WDR17: variants seen among roughly 807,000 people sequenced by gnomAD.
WDR17 encodes WD repeat domain 17, also known as WD repeat-containing protein 17.
Under a neutral mutation model 161.7 loss-of-function variants are expected in WDR17, and 143 were observed. That is an observed-to-expected ratio of 0.88 (90% CI 0.77 to 1.02). WDR17 has a LOEUF of 1.02. Among genes scored for constraint, WDR17 ranks in the 50% least tolerant of loss-of-function variants. The probability of loss-of-function intolerance (pLI) is 0.00; values close to 1 mark genes in which losing one functional copy is unlikely to be tolerated. For synonymous variants in WDR17, 517 were observed against 515.6 expected (o/e 1.00, Z -0.04); for missense variants, 1,469 against 1,520.9 (o/e 0.97, Z 0.57).
chr4:176,159,092 T>C (rs1005900484), intron 18 of WDR17, among the ~76,000 whole-genome samples: 9 of 152,124 alleles, frequency 5.9e-5, no homozygotes, highest in African/African-American at 2.2e-4. Context: ...GCATGAAAAA[T>C]ATCTGCTACC....
intron 3 of WDR17, among the ~76,000 whole-genome samples, chr4:176,118,762 A>G (rs890292629): frequency 6.6e-6 from 1 of 151,938 alleles, no homozygotes; most frequent in African/African-American, 2.4e-5. Flanking sequence ...AGCTTGTTAA[A>G]AATAAATTCC....
intron 20 of WDR17, among the ~76,000 whole-genome samples, chr4:176,161,508 T>C (rs1432734536): frequency 1.3e-5 from 2 of 152,192 alleles, no homozygotes; most frequent in Non-Finnish European, 2.9e-5. Context: ...AACCTTTTTT[T>C]AATCCAGTAG....
rs1040679078 is a variant in WDR17 at position 176,151,733 on chromosome 4, A to G, written c.2305-79A>G. The stretch of plus-strand genomic sequence containing the variant: ...ATTCCGCTCTATTAGTTATTTCAAA[A>G]TATGCAACAAATTATTGTGACACAT... On this transcript the variant is annotated intron_variant, in intron 16 of 28. Coordinates refer to ENST00000508596, the MANE Select transcript of WDR17 (RefSeq NM_181265.4). 5 of 1,284,550 alleles carry G rather than the reference A, an allele frequency of 3.9e-6. No homozygotes were observed. The African/African-American group carries it at 7.6e-5, about 19-fold the overall frequency. 79.6% of individuals were successfully genotyped at this position (1,284,550 alleles called of 1,614,324 possible). A position where few individuals can be genotyped will look rare whatever the true frequency, so the allele number is the denominator to read the frequency against.
At position 176,166,012 on chromosome 4, in the gene WDR17, TG is replaced by T. The variant is rs897821622; in HGVS notation, c.2991-2659del. On this transcript the variant is annotated intron_variant, in intron 22 of 28. Transcript: ENST00000508596. ...GATAGCTACATCATTTATAAAGATG[TG>T]CATAATTTTTAAGCTATAAACAGCG... The T allele has an allele frequency of 7.8e-5, 40 of 515,322 alleles. No homozygotes were observed. The African/African-American group carries it at 8.2e-4, about 11-fold the overall frequency. The allele number at this position is 515,322 out of a possible 1,614,324, so 31.9% of individuals were successfully genotyped here. A position where few individuals can be genotyped will look rare whatever the true frequency, so the allele number is the denominator to read the frequency against.
intron 1 of WDR17, among the ~76,000 whole-genome samples, chr4:176,076,957 C>T (rs1427410819): frequency 1.3e-5 from 2 of 152,080 alleles, no homozygotes; most frequent in Non-Finnish European, 2.9e-5. Flanking sequence ...ATCTAATAGG[C>T]ATTGTCTAGC....
intron 13 of WDR17, 57 bp downstream of exon 13, chr4:176,148,392 A>T (rs1746539878): frequency 2.0e-6 from 3 of 1,474,022 alleles, no homozygotes; most frequent in Admixed American, 1.8e-5. Flanking sequence ...AATGATGCTT[A>T]TAACTTCTGA....
intron 9 of WDR17, 40 bp downstream of exon 9, chr4:176,137,651 A>T (rs771384428): frequency 1.6e-6 from 2 of 1,230,808 alleles, no homozygotes; most frequent in Non-Finnish European, 2.2e-6. Context: ...ATAATGTTTT[A>T]TACTATTTTG....
Position 176,069,868 on chromosome 4 carries a change from A to G in WDR17, c.-7+3789A>G, listed in dbSNP as rs182249564. On this transcript the variant is annotated intron_variant, in intron 1 of 28. Coordinates refer to ENST00000508596, the MANE Select transcript of WDR17 (RefSeq NM_181265.4). ...TCCACATGGAGTCTCAAAAAAATGA[A>G]TAGTTGGTTAATAAGAAATAGCTAA... Among the ~76,000 whole-genome samples, 459 of 152,336 alleles carry G rather than the reference A, an allele frequency of 3.0e-3. 4 individuals carry two copies. Among genetic ancestry groups the G allele is most frequent in the African/African-American group, 0.011 (442 of 41,588 alleles).
chr4:176,125,033 A>C, intron 4 of WDR17, 71 bp from the exon 5 acceptor site: 2 of 1,538,100 alleles, frequency 1.3e-6, no homozygotes, highest in Admixed American at 3.6e-5. Context: ...ACAAGGAAAA[A>C]GTTAGCATCA....
chr4:176,068,648 A>AT (rs1419631257), intron 1 of WDR17, among the ~76,000 whole-genome samples: 9 of 152,194 alleles, frequency 5.9e-5, no homozygotes, highest in Non-Finnish European at 8.8e-5. Flanking sequence ...ATTGGAAGGG[A>AT]TTTTTTATTA....
intron 3 of WDR17, among the ~76,000 whole-genome samples, chr4:176,117,570 A>G (rs1423896361): frequency 1.3e-5 from 2 of 152,106 alleles, no homozygotes; most frequent in Non-Finnish European, 2.9e-5. Context: ...TGGATTTATC[A>G]TCAGACACTA....
intron 1 of WDR17, among the ~76,000 whole-genome samples, chr4:176,072,012 T>C (rs900022760): frequency 6.6e-6 from 1 of 152,190 alleles, no homozygotes; most frequent in East Asian, 1.9e-4. Flanking sequence ...GAGTCCAAAG[T>C]AGAACTGCCA....
At position 176,125,320 on chromosome 4, in the gene WDR17, G is replaced by A. The variant is rs540693227; in HGVS notation, c.755G>A (p.Trp252Ter). 3 of 1,614,102 alleles carry A rather than the reference G, an allele frequency of 1.9e-6. No individual in the cohort carries two copies. The highest frequency in any genetic ancestry group is 2.7e-5 in the African/African-American group (2 of 75,030). ...GCAGCTTCTGTACAGTGCTTAGCCT[G>A]GGTTCCCAGTGCTCCTGGGATGTTT... The part of the protein sequence containing the change: ...SAAASVQCLA[W>*]VPSAPGMFIT... Residue 252 changes from tryptophan (W) to a stop codon, truncating the protein, a stop_gained, in exon 5 of 29, where the codon TGG becomes TAG. Coordinates refer to ENST00000508596, the MANE Select transcript of WDR17 (RefSeq NM_181265.4). LOFTEE classifies it high-confidence loss of function.
chr4:176,079,601 C>G (rs1482760809), intron 1 of WDR17, among the ~76,000 whole-genome samples: 1 of 152,068 alleles, frequency 6.6e-6, no homozygotes, highest in Non-Finnish European at 1.5e-5. Context: ...CATATTGAAT[C>G]AAATTAAGGA....
intron 6 of WDR17, among the ~76,000 whole-genome samples, chr4:176,131,107 C>CA (rs1321310629): frequency 6.6e-6 from 1 of 151,748 alleles, no homozygotes; most frequent in Non-Finnish European, 1.5e-5. Context: ...TGCATAATCT[C>CA]AAAAAAATTA....
intron 1 of WDR17, among the ~76,000 whole-genome samples, chr4:176,084,473 A>G (rs1735165929): frequency 6.6e-6 from 1 of 152,070 alleles, no homozygotes; most frequent in African/African-American, 2.4e-5. Context: ...CCTTTCCATT[A>G]CATCCATCAC....
chr4:176,134,600 G>T (rs1744101579), intron 7 of WDR17, among the ~76,000 whole-genome samples: 1 of 151,656 alleles, frequency 6.6e-6, no homozygotes, highest in South Asian at 2.1e-4. Context: ...TTGGGGTTAT[G>T]CCTGATTCTT....
At chr4:176,066,623 T>G (rs1374189997) in intron 1 of WDR17, among the ~76,000 whole-genome samples, 1 of 152,198 alleles carries the variant, frequency 6.6e-6, no homozygotes, top group Non-Finnish European at 1.5e-5. Context: ...ATCAGACTTG[T>G]TTTGCTTGCA....
chr4:176,142,126 AC>A, intron 11 of WDR17, 57 bp downstream of exon 11: 1 of 1,430,236 alleles, frequency 7.0e-7, no homozygotes, highest in Non-Finnish European at 9.8e-7. Flanking sequence ...ATTTTAAATA[AC>A]CATAAAGTTT....
Sources: allele counts gnomAD v4.1 joint callset (sites outside exome capture counted in the v4.1 genomes callset), GRCh38; gene constraint gnomAD v4.1.1; transcripts MANE v1.5; gene names NCBI Gene and HGNC (gene_info 2026-07-23, HGNC 2026-07-21).